The following SPARC variants were observed in gnomAD, a reference collection of about 807,000 sequenced individuals.
SPARC encodes the protein secreted protein acidic and cysteine rich.
A neutral mutation model predicts 37.7 loss-of-function variants in SPARC; 23 were observed. The ratio of observed to expected loss-of-function variants is 0.61; its 90% confidence interval spans 0.44 to 0.87. SPARC has a LOEUF of 0.87. Ranked by LOEUF, SPARC falls within the 40% of genes least tolerant of loss-of-function variation. The pLI is 0.00. For missense variants in SPARC, 312 were observed against 389.0 expected, an observed-to-expected ratio of 0.80 and a Z score of 1.66; for synonymous variants, 155 against 150.8, an observed-to-expected ratio of 1.03 and a Z score of -0.20.
In SPARC at chr5:151,661,452, T is replaced by C. The variant is rs1487235878; in HGVS notation, c.*2119A>G. The C allele has an allele frequency of 6.6e-6, 1 of 152,180 alleles. No individual in the cohort carries two copies. Among genetic ancestry groups the C allele is most frequent in the Non-Finnish European group, 1.5e-5 (1 of 68,034 alleles). 9.4% of individuals were successfully genotyped at this position (152,180 alleles called of 1,614,324 possible). On this transcript the variant is annotated 3_prime_UTR_variant, in exon 10 of 10. Coordinates refer to ENST00000231061, the MANE Select transcript of SPARC (RefSeq NM_003118.4). Reference sequence around the variant, plus strand: ...AAGAGAACACCAGAATACAGTTTGATTTTTTAGGAGCTTTTATTGTTTTAG... The same window carrying C: ...AAGAGAACACCAGAATACAGTTTGACTTTTTAGGAGCTTTTATTGTTTTAG...
At position 151,662,480 on chromosome 5, in the gene SPARC, C is replaced by G. The variant is rs1760527144; in HGVS notation, c.*1091G>C. 6.6e-6 allele frequency: 1 copy of G among 152,608 alleles called. No individual in the cohort carries two copies. 9.5% of individuals were successfully genotyped at this position (152,608 alleles called of 1,614,324 possible). ...TTTTTATTTTGAAGGATTTGTGAAA[C>G]TCTTCACATCATGGTGAGAGTTTGT... On this transcript the variant is annotated 3_prime_UTR_variant, in exon 10 of 10. Coordinates refer to ENST00000231061, the MANE Select transcript of SPARC (RefSeq NM_003118.4).
chr5:151,682,902 A>G (rs1032714514), intron 1 of SPARC, among the ~76,000 whole-genome samples: 1 of 152,188 alleles, frequency 6.6e-6, no homozygotes, highest in African/African-American at 2.4e-5. Flanking sequence ...TCTGACAACA[A>G]TTGTTGTCTA....
chr5:151,682,166 G>A (rs1046433446), intron 1 of SPARC, among the ~76,000 whole-genome samples: 3 of 152,152 alleles, frequency 2.0e-5, no homozygotes, highest in Non-Finnish European at 4.4e-5. Flanking sequence ...AAGGAAAGAC[G>A]CTAAAGGAAA....
chr5:151,671,444 G>A (rs1760746655), intron 5 of SPARC, 129 bp downstream of exon 5: 1 of 1,128,764 alleles, frequency 8.9e-7, no homozygotes, highest in African/African-American at 1.6e-5. Context: ...GCTGGGACTA[G>A]GTCTAGCAAG....
In SPARC at chr5:151,681,274, A is replaced by C. The variant is rs1424802608; in HGVS notation, c.-13-5073T>G. On this transcript the variant is annotated intron_variant, in intron 1 of 9. Coordinates refer to ENST00000231061, the MANE Select transcript of SPARC (RefSeq NM_003118.4). ...GCCAGAGAGGTGGCCACATGCAGCT[A>C]CAATGGCACTCCTGCTCACACCCCT... Among the ~76,000 whole-genome samples the C allele has an allele frequency of 3.3e-5, 5 of 152,344 alleles. No homozygotes were observed. The South Asian group carries it at 1.0e-3, about 32-fold the overall frequency.
chr5:151,676,516 GTTT>G (rs1323962625), intron 1 of SPARC, among the ~76,000 whole-genome samples: 1 of 151,826 alleles, frequency 6.6e-6, no homozygotes, highest in Non-Finnish European at 1.5e-5. Flanking sequence ...AAGTTGTTTT[GTTT>G]TTTTTATGTG....
intron 1 of SPARC, 119 bp from the exon 2 acceptor site, chr5:151,676,320 A>T: frequency 1.5e-6 from 1 of 675,968 alleles, no homozygotes; most frequent in Non-Finnish European, 2.6e-6. Flanking sequence ...GATAGTGAAA[A>T]ACATGAGGAG....
chr5:151,673,251 C>T, intron 3 of SPARC, 35 bp from the exon 4 acceptor site: 1 of 1,404,948 alleles, frequency 7.1e-7, no homozygotes, highest in Non-Finnish European at 1.0e-6. Flanking sequence ...TGAAATGGCC[C>T]CACTCCCATC....
At chr5:151,668,502 G>A (rs1244875293) in intron 6 of SPARC, among the ~76,000 whole-genome samples, 1 of 152,090 alleles carries the variant, frequency 6.6e-6, no homozygotes, top group Non-Finnish European at 1.5e-5. Context: ...TGGAGAGAAG[G>A]GACTTGCTCA....
At chr5:151,665,159 C>G (rs1431912742) in intron 8 of SPARC, among the ~76,000 whole-genome samples, 1 of 152,174 alleles carries the variant, frequency 6.6e-6, no homozygotes, top group African/African-American at 2.4e-5. Context: ...CACCTACAGC[C>G]CTGGGATGGG....
chr5:151,676,108 A>C, intron 2 of SPARC, 24 bp downstream of exon 2: 1 of 1,601,790 alleles, frequency 6.2e-7, no homozygotes. Flanking sequence ...TGAAAACAAG[A>C]AGACATGATA....
chr5:151,678,737 G>A (rs1182117608), intron 1 of SPARC, among the ~76,000 whole-genome samples: 1 of 152,206 alleles, frequency 6.6e-6, no homozygotes, highest in Non-Finnish European at 1.5e-5. Flanking sequence ...CAGAGAGACT[G>A]TTAAGAACAG....
intron 1 of SPARC, among the ~76,000 whole-genome samples, chr5:151,680,216 CTT>C (rs58021431): frequency 2.7e-3 from 165 of 61,948 alleles, no homozygotes; most frequent in East Asian, 0.022. Flanking sequence ...TGGAAAACAT[CTT>C]TTTTTTTTTT....
chr5:151,666,009 A>G (rs1760611354), intron 8 of SPARC, among the ~76,000 whole-genome samples: 1 of 152,224 alleles, frequency 6.6e-6, no homozygotes. Flanking sequence ...GTTCTGCTGA[A>G]GGACAGGGGG....
intron 6 of SPARC, among the ~76,000 whole-genome samples, chr5:151,668,854 A>G (rs1221888362): frequency 6.6e-6 from 1 of 152,054 alleles, no homozygotes; most frequent in Non-Finnish European, 1.5e-5. Context: ...CACGAGGAGA[A>G]CTTTGTTTCC....
intron 3 of SPARC, 44 bp from the exon 4 acceptor site, chr5:151,673,260 TCCCAGACCCATAA>T (rs753752163): frequency 2.0e-5 from 27 of 1,333,234 alleles, no homozygotes; most frequent in Non-Finnish European, 2.8e-5. Flanking sequence ...CCCACTCCCA[TCCCAGACCCATAA>T]GGGTAGCTGA....
chr5:151,683,211 G>A (rs1215415019), intron 1 of SPARC, among the ~76,000 whole-genome samples: 1 of 152,222 alleles, frequency 6.6e-6, no homozygotes, highest in African/African-American at 2.4e-5. Context: ...CGTTTGGGAG[G>A]GAGCCAGCTA....
chr5:151,671,574 T>G lies in SPARC; in HGVS notation c.329A>C (p.Lys110Thr), dbSNP rs1272850274. The change falls in exon 5 of 10, where the codon AAG (lysine) becomes ACG (threonine). Residue 110 changes from lysine (K) to threonine (T), a missense_variant and splice_region_variant. By Grantham distance (78) the Lys-to-Thr change is moderately conservative. Transcript: ENST00000231061. ...CTGCCCCTGTCTCTCAGCCCTCACC[T>G]TCTCAAACTCGCCAATGGGGGCTGG... is the stretch of plus-strand genomic sequence containing the variant. Reference protein sequence around the residue: ...SCPAPIGEFEKVCSNDNKTFD... With the variant: ...SCPAPIGEFETVCSNDNKTFD... 1.9e-6 allele frequency: 3 copies of G among 1,571,382 alleles called. No individual in the cohort carries two copies. Among genetic ancestry groups the G allele is most frequent in the East Asian group, 2.3e-5 (1 of 42,874 alleles).
At position 151,664,099 on chromosome 5, in the gene SPARC, C is replaced by T. The variant is rs188911380; in HGVS notation, c.871G>A (p.Gly291Ser). The change falls in exon 9 of 10, where the codon GGC becomes AGC. Residue 291 changes from glycine (G) to serine (S), a missense_variant. By Grantham distance (56) the Gly-to-Ser change is moderately conservative. Transcript: ENST00000231061. Reference sequence around the variant, plus strand: ...TTCAGACACTCACTCTGCTTGATGCCGAAGCAGCCGGCCCACTCATCCAGG... The same window carrying T: ...TTCAGACACTCACTCTGCTTGATGCTGAAGCAGCCGGCCCACTCATCCAGG... ...IALDEWAGCFGIKQKDIDKDL... is the reference protein window; with the variant it reads ...IALDEWAGCFSIKQKDIDKDL... The T allele has an allele frequency of 8.1e-6, 13 of 1,614,136 alleles. No homozygotes were observed. The highest frequency in any genetic ancestry group is 2.2e-5 in the East Asian group (1 of 44,882).
Sources: gnomAD v4.1 joint callset for allele counts (sites outside exome capture counted in the v4.1 genomes callset) on GRCh38, gnomAD v4.1.1 for gene constraint, MANE v1.5 for transcripts, NCBI Gene and HGNC (gene_info 2026-07-23, HGNC 2026-07-21) for gene names.